Variants in NCAM2 observed in about 807,000 individuals in gnomAD.
NCAM2 encodes the protein neural cell adhesion molecule 2, also known as N-CAM-2.
A neutral mutation model predicts 98.1 loss-of-function variants in NCAM2; 30 were observed. The ratio of observed to expected loss-of-function variants is 0.31; its 90% CI spans 0.23 to 0.41. The LOEUF is 0.41. NCAM2 is among the 10% of genes least tolerant of loss of function. The pLI, the probability that NCAM2 is intolerant of heterozygous loss-of-function variation, is 1.00. For synonymous variants in NCAM2, 368 were observed against 342.4 expected, an observed-to-expected ratio of 1.07 and a Z score of -0.83; for missense variants, 867 against 1,005.8, an observed-to-expected ratio of 0.86 and a Z score of 1.87.
intron 1 of NCAM2, among the ~76,000 whole-genome samples, chr21:21,139,747 A>G (rs986421236): frequency 4.6e-5 from 7 of 151,094 alleles, no homozygotes; most frequent in Non-Finnish European, 1.0e-4. Context: ...GCATATGTAC[A>G]TACACATACT....
intron 1 of NCAM2, among the ~76,000 whole-genome samples, chr21:21,141,041 A>G (rs2067158028): frequency 6.6e-6 from 1 of 152,206 alleles, no homozygotes; most frequent in South Asian, 2.1e-4. Flanking sequence ...CCATTCAGGA[A>G]GCAGTAGTAT....
chr21:21,129,409 AC>A (rs1479510496), intron 1 of NCAM2, among the ~76,000 whole-genome samples: 2 of 152,202 alleles, frequency 1.3e-5, no homozygotes, highest in Non-Finnish European at 2.9e-5. Context: ...AACTAGTCTT[AC>A]TAGATTTTTA....
At chr21:21,343,520 A>G (rs981250568) in intron 8 of NCAM2, among the ~76,000 whole-genome samples, 1 of 152,114 alleles carries the variant, frequency 6.6e-6, no homozygotes, top group Non-Finnish European at 1.5e-5. Flanking sequence ...ACAAACCTCC[A>G]CCACCCTCAG....
intron 1 of NCAM2, among the ~76,000 whole-genome samples, chr21:21,218,141 T>C (rs1568785339): frequency 1.3e-5 from 2 of 152,150 alleles, no homozygotes; most frequent in Admixed American, 1.3e-4. Context: ...ACGGCAAAAA[T>C]AGAGAACACT....
chr21:21,151,387 T>A (rs2067444088), intron 1 of NCAM2, among the ~76,000 whole-genome samples: 1 of 152,094 alleles, frequency 6.6e-6, no homozygotes, highest in Admixed American at 6.5e-5. Flanking sequence ...TTGAAAAGAC[T>A]ATTCAGTAGT....
chr21:21,152,434 C>A (rs1003408526), intron 1 of NCAM2, among the ~76,000 whole-genome samples: 6 of 151,762 alleles, frequency 4.0e-5, no homozygotes, highest in African/African-American at 1.5e-4. Context: ...CAGTAGTCTA[C>A]TGTTTTTTGT....
At chr21:21,279,942 T>G (rs903045020) in intron 1 of NCAM2, among the ~76,000 whole-genome samples, 3 of 152,242 alleles carry the variant, frequency 2.0e-5, no homozygotes, top group Non-Finnish European at 2.9e-5. Context: ...AACACTTTGC[T>G]TATCTTCTAA....
At chr21:21,235,136 AC>A (rs1443898064) in intron 1 of NCAM2, among the ~76,000 whole-genome samples, 1 of 151,998 alleles carries the variant, frequency 6.6e-6, no homozygotes, top group Non-Finnish European at 1.5e-5. Context: ...CACAGTTAAA[AC>A]ATTAAAAAAA....
chr21:21,527,113 ATTT>A (rs34914462), intron 16 of NCAM2, among the ~76,000 whole-genome samples: 3 of 140,842 alleles, frequency 2.1e-5, no homozygotes, highest in African/African-American at 5.2e-5. Flanking sequence ...TGAAAGAAAG[ATTT>A]TTTTTTTTTT....
At chr21:21,143,801 G>GA (rs1476813067) in intron 1 of NCAM2, among the ~76,000 whole-genome samples, 1 of 97,958 alleles carries the variant, frequency 1.0e-5, no homozygotes, top group African/African-American at 3.9e-5. Flanking sequence ...TTTTTTTTAG[G>GA]AAGTTTTTTT....
chr21:21,040,806 A>G (rs774800044), intron 1 of NCAM2, among the ~76,000 whole-genome samples: 14 of 152,156 alleles, frequency 9.2e-5, no homozygotes, highest in Non-Finnish European at 7.4e-5. Context: ...AAGTTGGCTA[A>G]TGGCTACAAA....
chr21:21,283,899 A>G lies in NCAM2; in HGVS notation c.131-295A>G, dbSNP rs183866754. 2.2e-4 allele frequency among the ~76,000 whole-genome samples: 34 copies of G among 152,108 alleles called. No homozygotes were observed. The East Asian group carries it at 3.1e-3, about 14-fold the overall frequency. ...TTTCAGAACTTAAATGTAATAATCC[A>G]TTGATTACCAAGGGAAAATTTCAAC... On this transcript the variant is annotated intron_variant, in intron 2 of 17. Transcript: ENST00000400546.
At chr21:21,220,181 C>G (rs1198926508) in intron 1 of NCAM2, among the ~76,000 whole-genome samples, 1 of 152,068 alleles carries the variant, frequency 6.6e-6, no homozygotes, top group Non-Finnish European at 1.5e-5. Flanking sequence ...ATAAAGTCTA[C>G]AGTAGTGTAT....
At chr21:21,236,442 T>C (rs1249051189) in intron 1 of NCAM2, among the ~76,000 whole-genome samples, 1 of 152,118 alleles carries the variant, frequency 6.6e-6, no homozygotes. Flanking sequence ...TATCAGTTTC[T>C]TTGTAATTTT....
At chr21:21,295,204 C>CT (rs35043082) in intron 5 of NCAM2, among the ~76,000 whole-genome samples, 151,836 of 151,838 alleles carry the variant, frequency 1, 75,917 homozygotes, top group Middle Eastern at 1. Context: ...ACGTTTTGTT[C>CT]TTGCAAAACT....
intron 1 of NCAM2, among the ~76,000 whole-genome samples, chr21:21,097,595 T>C (rs1046718061): frequency 6.6e-6 from 1 of 151,602 alleles, no homozygotes; most frequent in African/African-American, 2.4e-5. Flanking sequence ...CTATTTACAC[T>C]GCACAAACTT....
chr21:21,327,893 T>A (rs2074562097), intron 6 of NCAM2, among the ~76,000 whole-genome samples: 1 of 152,194 alleles, frequency 6.6e-6, no homozygotes, highest in African/African-American at 2.4e-5. Context: ...TCAAAAGCAC[T>A]TAGTGACATG....
At chr21:21,164,996 T>G (rs780796558) in intron 1 of NCAM2, among the ~76,000 whole-genome samples, 1 of 152,164 alleles carries the variant, frequency 6.6e-6, no homozygotes, top group Non-Finnish European at 1.5e-5. Flanking sequence ...ACTGTTGTAT[T>G]TAATTCTCAT....
intron 11 of NCAM2, among the ~76,000 whole-genome samples, chr21:21,424,687 G>A (rs1365855970): frequency 6.6e-6 from 1 of 151,992 alleles, no homozygotes; most frequent in African/African-American, 2.4e-5. Context: ...GACCAGTGTT[G>A]GTAATGTGCT....
Sources: allele counts gnomAD v4.1 joint callset (sites outside exome capture counted in the v4.1 genomes callset), GRCh38; gene constraint gnomAD v4.1.1; transcripts MANE v1.5; gene names NCBI Gene and HGNC (gene_info 2026-07-23, HGNC 2026-07-21).